The following CSMD2 variants were observed in gnomAD, a reference collection of about 807,000 sequenced individuals.
The protein encoded by CSMD2 is CUB and sushi domain-containing protein 2.
Under a neutral mutation model 398.5 loss-of-function variants are expected in CSMD2, and 130 were observed. That is an observed-to-expected ratio of 0.33 (90% CI 0.28 to 0.38). CSMD2 has a LOEUF of 0.38. Among genes scored for constraint, CSMD2 ranks in the 10% least tolerant of loss-of-function variants. CSMD2 has a pLI of 1.00. For missense variants in CSMD2, 3,829 were observed against 4,764.9 expected (o/e 0.80, Z 5.78); for synonymous variants, 1,828 against 1,908.5 (o/e 0.96, Z 1.10).
intron 25 of CSMD2, among the ~76,000 whole-genome samples, chr1:33,670,129 G>A (rs1446445449): frequency 6.6e-6 from 1 of 152,142 alleles, no homozygotes; most frequent in Non-Finnish European, 1.5e-5. Flanking sequence ...ACATCCAGTG[G>A]GGAGCTTTTC....
intron 44 of CSMD2, among the ~76,000 whole-genome samples, chr1:33,593,427 C>T (rs997757342): frequency 1.3e-5 from 2 of 152,328 alleles, no homozygotes; most frequent in Admixed American, 1.3e-4. Flanking sequence ...ACTTACAATT[C>T]CACGTGGCTG....
At chr1:34,111,176 A>G (rs937580501) in intron 1 of CSMD2, among the ~76,000 whole-genome samples, 11 of 152,244 alleles carry the variant, frequency 7.2e-5, no homozygotes, top group African/African-American at 2.7e-4. Context: ...CACTCAGTTA[A>G]TATTGGTTGA....
intron 10 of CSMD2, among the ~76,000 whole-genome samples, chr1:33,797,324 T>C (rs10914781): frequency 0.43 from 65,522 of 152,162 alleles, 16,155 homozygotes; most frequent in East Asian, 0.65. Flanking sequence ...TTCCTCTCTT[T>C]GTACTCTTTC....
At chr1:34,027,484 A>T (rs575552269) in intron 3 of CSMD2, among the ~76,000 whole-genome samples, 1 of 152,348 alleles carries the variant, frequency 6.6e-6, no homozygotes, top group African/African-American at 2.4e-5. Context: ...TGGAAAATCT[A>T]CATACTCTTT....
chr1:33,730,302 A>G (rs1393875110), intron 15 of CSMD2, among the ~76,000 whole-genome samples: 1 of 152,248 alleles, frequency 6.6e-6, no homozygotes, highest in Non-Finnish European at 1.5e-5. Context: ...AGGATAAACC[A>G]AAAACTAAAA....
chr1:34,033,603 G>C (rs1306220638), intron 2 of CSMD2, among the ~76,000 whole-genome samples: 1 of 152,208 alleles, frequency 6.6e-6, no homozygotes, highest in Non-Finnish European at 1.5e-5. Flanking sequence ...GAGGTGGCCA[G>C]TCTCCTACAC....
At chr1:33,868,680 G>A (rs1640216401) in intron 5 of CSMD2, among the ~76,000 whole-genome samples, 2 of 152,130 alleles carry the variant, frequency 1.3e-5, no homozygotes, top group South Asian at 2.1e-4. Flanking sequence ...AGGTTGCAGC[G>A]AGCCCAGATT....
rs970460721 is a variant in CSMD2 at position 33,891,441 on chromosome 1, A to T, written c.920+26653T>A. Among the ~76,000 whole-genome samples, 10 of 151,446 alleles carry T rather than the reference A, an allele frequency of 6.6e-5. No homozygotes were observed. In the East Asian group the frequency reaches 1.9e-3, roughly 30 times the overall value. On this transcript the variant is annotated intron_variant, in intron 5 of 70. Coordinates refer to ENST00000373381, the MANE Select transcript of CSMD2 (RefSeq NM_001281956.2). ...TGTGGAGAAATAGGAACACTTTTAC[A>T]CTGTTGGTGGGACTGTAAACTAGTT...
intron 64 of CSMD2, among the ~76,000 whole-genome samples, chr1:33,531,369 G>A (rs893234307): frequency 1.3e-5 from 2 of 152,144 alleles, no homozygotes; most frequent in Non-Finnish European, 2.9e-5. Context: ...CGAGAAATTG[G>A]ACCCTGATGC....
chr1:34,073,205 T>C (rs1467529889), intron 2 of CSMD2, among the ~76,000 whole-genome samples: 1 of 152,218 alleles, frequency 6.6e-6, no homozygotes, highest in Non-Finnish European at 1.5e-5. Context: ...TACCAACAGG[T>C]TTGCCTCCGG....
chr1:33,973,109 C>G (rs1338885388), intron 3 of CSMD2, among the ~76,000 whole-genome samples: 1 of 152,208 alleles, frequency 6.6e-6, no homozygotes, highest in East Asian at 1.9e-4. Flanking sequence ...TTCTTTAACC[C>G]TCTCCTCAAC....
intron 37 of CSMD2, 133 bp from the exon 38 acceptor site, chr1:33,617,750 C>G: frequency 1.5e-6 from 1 of 672,534 alleles, no homozygotes; most frequent in Non-Finnish European, 2.7e-6. Context: ...ATCCTGTAGG[C>G]TAGTTCTTCC....
At chr1:33,965,333 A>G (rs910167020) in intron 3 of CSMD2, among the ~76,000 whole-genome samples, 1 of 152,136 alleles carries the variant, frequency 6.6e-6, no homozygotes, top group Non-Finnish European at 1.5e-5. Context: ...TAGCTTTATA[A>G]TTTCACTGTC....
At chr1:33,558,695 C>T (rs1352137263) in intron 54 of CSMD2, among the ~76,000 whole-genome samples, 1 of 152,186 alleles carries the variant, frequency 6.6e-6, no homozygotes, top group Admixed American at 6.5e-5. Flanking sequence ...AAGCTATTTC[C>T]TAAATACTCC....
At position 33,519,068 on chromosome 1, in the gene CSMD2, G is replaced by C. The variant is rs1175396108; in HGVS notation, c.*53+397C>G. The stretch of plus-strand genomic sequence containing the variant: ...AGGATGTATATATCCAGTTGGTTCT[G>C]TTTCTCTAGAGAGAAACAGACTAGT... On this transcript the variant is annotated intron_variant, in intron 70 of 70. Coordinates refer to ENST00000373381, the MANE Select transcript of CSMD2 (RefSeq NM_001281956.2). This position sits in a 1 kb window ranked among gnomAD's most constrained non-coding sequence, Gnocchi z 5.6. Among the ~76,000 whole-genome samples the C allele has an allele frequency of 6.6e-6, 1 of 152,106 alleles. No individual in the cohort carries two copies. The highest frequency in any genetic ancestry group is 1.5e-5 in the Non-Finnish European group (1 of 68,024).
At chr1:33,986,362 G>A (rs902268541) in intron 3 of CSMD2, among the ~76,000 whole-genome samples, 2 of 152,176 alleles carry the variant, frequency 1.3e-5, no homozygotes, top group East Asian at 3.9e-4. Context: ...GAAGGGAAGG[G>A]AAGCTAACAC....
At chr1:33,960,173 C>G (rs1274017869) in intron 3 of CSMD2, among the ~76,000 whole-genome samples, 2 of 152,174 alleles carry the variant, frequency 1.3e-5, no homozygotes, top group Admixed American at 6.5e-5. Flanking sequence ...TCAAGCTGGC[C>G]TCTTGCCCCA....
At chr1:33,812,453 C>A (rs1369499634) in intron 9 of CSMD2, among the ~76,000 whole-genome samples, 1 of 152,236 alleles carries the variant, frequency 6.6e-6, no homozygotes, top group Admixed American at 6.5e-5. Flanking sequence ...CCTGGGGGAA[C>A]CCCCACTCCA....
intron 3 of CSMD2, among the ~76,000 whole-genome samples, chr1:34,031,731 G>A (rs182165925): frequency 3.2e-5 from 4 of 123,098 alleles, no homozygotes; most frequent in East Asian, 2.6e-4. Flanking sequence ...AGAAAGCATC[G>A]CTTACTCTTT....
Sources: gnomAD v4.1 joint callset for allele counts (sites outside exome capture counted in the v4.1 genomes callset) on GRCh38, gnomAD v4.1.1 for gene constraint, Gnocchi (gnomAD v3.1) non-coding constraint, MANE v1.5 for transcripts, NCBI Gene and HGNC (gene_info 2026-07-23, HGNC 2026-07-21) for gene names.